The following CNTNAP4 variants were observed in gnomAD, a reference collection of about 807,000 sequenced individuals.
CNTNAP4 encodes the protein contactin-associated protein-like 4.
CNTNAP4 carries 98 observed loss-of-function variants against 148.4 expected under a neutral mutation model. The observed-to-expected ratio is 0.66, with a 90% confidence interval of 0.56 to 0.78. The LOEUF (loss-of-function observed/expected upper bound fraction) is 0.78. Among genes scored for constraint, CNTNAP4 ranks in the 30% least tolerant of loss-of-function variants. CNTNAP4 has a pLI of 0.00. For missense variants in CNTNAP4, 1,935 were observed against 1,565.6 expected (o/e 1.24, Z -3.98); for synonymous variants, 730 against 565.1 (o/e 1.29, Z -4.14).
At chr16:76,331,489 G>A (rs1963521734) in intron 2 of CNTNAP4, among the ~76,000 whole-genome samples, 1 of 149,962 alleles carries the variant, frequency 6.7e-6, no homozygotes, top group African/African-American at 2.5e-5. Flanking sequence ...CGGCCGGCCT[G>A]TTTTTTCTTT....
At chr16:76,432,051 T>C (rs2079628799) in intron 4 of CNTNAP4, among the ~76,000 whole-genome samples, 1 of 152,202 alleles carries the variant, frequency 6.6e-6, no homozygotes, top group African/African-American at 2.4e-5. Flanking sequence ...CTACTTATTG[T>C]ACTACAGTTA....
chr16:76,393,252 T>C (rs2078089472), intron 3 of CNTNAP4, among the ~76,000 whole-genome samples: 1 of 152,182 alleles, frequency 6.6e-6, no homozygotes, highest in Non-Finnish European at 1.5e-5. Context: ...CTATGTCCTA[T>C]ATAGGAAATG....
chr16:76,388,876 A>G (rs774825744), intron 3 of CNTNAP4, among the ~76,000 whole-genome samples: 59 of 152,232 alleles, frequency 3.9e-4, no homozygotes, highest in Non-Finnish European at 7.9e-4. Context: ...CTCTGCTTCC[A>G]TTGTAGAATT....
intron 7 of CNTNAP4, 39 bp from the exon 8 acceptor site, chr16:76,452,469 A>C: frequency 6.2e-7 from 1 of 1,606,944 alleles, no homozygotes; most frequent in Non-Finnish European, 8.5e-7. Flanking sequence ...TGTGATGTGA[A>C]TAACATTCTG....
Position 76,558,471 on chromosome 16 carries a change from A to G in CNTNAP4, c.3734-19A>G. ...ATTTGGACAGAAATTCTGACTTTAT[A>G]TTTCTTTTCTCTCTCTAGGTCTGAT... On this transcript the variant is annotated intron_variant, in intron 23 of 23. Coordinates refer to ENST00000611870, the MANE Select transcript of CNTNAP4 (RefSeq NM_033401.5). 1.4e-6 allele frequency: 2 copies of G among 1,477,862 alleles called. No homozygotes were observed. Among genetic ancestry groups the G allele is most frequent in the Non-Finnish European group, 1.9e-6 (2 of 1,071,252 alleles). The allele number at this position is 1,477,862 out of a possible 1,614,324, so 91.5% of individuals were successfully genotyped here. A position where few individuals can be genotyped will look rare whatever the true frequency, so the allele number is the denominator to read the frequency against.
intron 1 of CNTNAP4, among the ~76,000 whole-genome samples, chr16:76,281,954 A>G (rs1054198970): frequency 3.3e-5 from 5 of 151,970 alleles, no homozygotes; most frequent in African/African-American, 1.2e-4. Context: ...AAATTTTATT[A>G]AGATTGTTTA....
rs369819860 is a variant in CNTNAP4 at position 76,304,212 on chromosome 16, A to T, written c.86-12201A>T. On this transcript the variant is annotated intron_variant, in intron 1 of 23. Coordinates refer to ENST00000611870, the MANE Select transcript of CNTNAP4 (RefSeq NM_033401.5). The stretch of plus-strand genomic sequence containing the variant: ...AGGCGATTTAAATAAAATGCCTAAG[A>T]TCATGTAGTACTTAGCAGAGGCAGA... Among the ~76,000 whole-genome samples the T allele has an allele frequency of 5.9e-5, 9 of 152,260 alleles. No individual in the cohort carries two copies. The South Asian group carries it at 1.7e-3, about 28-fold the overall frequency.
chr16:76,461,378 C>T (rs928308438), intron 8 of CNTNAP4, among the ~76,000 whole-genome samples: 14 of 152,220 alleles, frequency 9.2e-5, no homozygotes, highest in African/African-American at 2.2e-4. Flanking sequence ...TTGAGAGTTA[C>T]AAGTAAGTTC....
intron 3 of CNTNAP4, among the ~76,000 whole-genome samples, chr16:76,412,042 G>T (rs753808619): frequency 6.6e-6 from 1 of 151,256 alleles, no homozygotes; most frequent in Non-Finnish European, 1.5e-5. Flanking sequence ...TATACAGAAG[G>T]AATCATACTA....
Position 76,308,972 on chromosome 16 carries a change from A to ATT in CNTNAP4, c.86-7427_86-7426dup, listed in dbSNP as rs61244707. Among the ~76,000 whole-genome samples, 791 of 142,782 alleles carry ATT rather than the reference A, an allele frequency of 5.5e-3. 5 individuals are homozygous for ATT. Among genetic ancestry groups the ATT allele is most frequent in the African/African-American group, 0.019 (747 of 38,914 alleles). The allele number at this position is 142,782 out of a possible 152,430, so 93.7% of individuals were successfully genotyped here. ...TCTGAGTAGCTAGGATTCCAGGCTA[A>ATT]TTTTTTTTTTTTTTTAAAGAGATGG... On this transcript the variant is annotated intron_variant, in intron 1 of 23. Coordinates refer to ENST00000611870, the MANE Select transcript of CNTNAP4 (RefSeq NM_033401.5).
intron 14 of CNTNAP4, among the ~76,000 whole-genome samples, chr16:76,495,486 T>C (rs890522404): frequency 6.6e-6 from 1 of 152,110 alleles, no homozygotes; most frequent in African/African-American, 2.4e-5. Context: ...AATTGTTTTA[T>C]ATTTTTAAAA....
intron 1 of CNTNAP4, among the ~76,000 whole-genome samples, chr16:76,285,382 A>G (rs1309880512): frequency 4.6e-5 from 7 of 152,108 alleles, no homozygotes; most frequent in East Asian, 1.9e-4. Flanking sequence ...TTTTAATGCC[A>G]TAAGTATTTA....
intron 2 of CNTNAP4, among the ~76,000 whole-genome samples, chr16:76,351,441 T>G (rs1353089529): frequency 6.6e-6 from 1 of 152,166 alleles, no homozygotes; most frequent in East Asian, 1.9e-4. Flanking sequence ...ATGTCTTCCA[T>G]TTTACTATTT....
chr16:76,400,089 C>T (rs1307112259), intron 3 of CNTNAP4, among the ~76,000 whole-genome samples: 2 of 152,216 alleles, frequency 1.3e-5, no homozygotes, highest in East Asian at 3.9e-4. Flanking sequence ...TGTACAGCCC[C>T]ATAGAGAGTA....
intron 2 of CNTNAP4, among the ~76,000 whole-genome samples, chr16:76,334,439 C>T (rs919060918): frequency 1.3e-5 from 2 of 152,056 alleles, no homozygotes; most frequent in Non-Finnish European, 2.9e-5. Context: ...CTGTAAGTTA[C>T]GTTCACTCTT....
chr16:76,447,756 T>A (rs1018168166), intron 4 of CNTNAP4, among the ~76,000 whole-genome samples: 2 of 152,194 alleles, frequency 1.3e-5, no homozygotes, highest in African/African-American at 4.8e-5. Context: ...ATGTAAGTGT[T>A]CTGAGCATGT....
intron 4 of CNTNAP4, among the ~76,000 whole-genome samples, chr16:76,434,005 G>C (rs1342454714): frequency 7.1e-6 from 1 of 140,636 alleles, no homozygotes; most frequent in Non-Finnish European, 1.5e-5. Flanking sequence ...TAGAAAGACA[G>C]AACTAATATA....
At chr16:76,464,343 G>A (rs1026552335) in intron 9 of CNTNAP4, among the ~76,000 whole-genome samples, 2 of 152,168 alleles carry the variant, frequency 1.3e-5, no homozygotes, top group African/African-American at 4.8e-5. Flanking sequence ...ATGCAAGACT[G>A]CCACAGGGAC....
chr16:76,369,648 C>T (rs1382209200), intron 3 of CNTNAP4, among the ~76,000 whole-genome samples: 1 of 152,184 alleles, frequency 6.6e-6, no homozygotes, highest in Non-Finnish European at 1.5e-5. Context: ...TCAAGAGCAA[C>T]CTGAGCAACA....
Sources: gnomAD v4.1 joint callset for allele counts (sites outside exome capture counted in the v4.1 genomes callset) on GRCh38, gnomAD v4.1.1 for gene constraint, MANE v1.5 for transcripts, NCBI Gene and HGNC (gene_info 2026-07-23, HGNC 2026-07-21) for gene names.